PIGQ: variants seen among roughly 807,000 people sequenced by gnomAD.
The protein encoded by PIGQ is phosphatidylinositol glycan anchor biosynthesis class Q.
Under a neutral mutation model 60.3 loss-of-function variants are expected in PIGQ, and 54 were observed. The observed-to-expected ratio is 0.90, with a 90% CI of 0.72 to 1.12. The LOEUF is 1.12. Among genes scored for constraint, PIGQ ranks in the 50% most tolerant of loss-of-function variants. PIGQ has a pLI of 0.00. For missense variants in PIGQ, 799 were observed against 793.5 expected, an observed-to-expected ratio of 1.01 and a Z score of -0.08; for synonymous variants, 416 against 363.7, an observed-to-expected ratio of 1.14 and a Z score of -1.64.
At chr16:582,448 A>C (rs2035829423) in intron 10 of PIGQ, 139 bp downstream of exon 10, 1 of 645,792 alleles carries the variant, frequency 1.5e-6, no homozygotes, top group South Asian at 2.1e-5. Context: ...GCTGAGGGGG[A>C]AGGCCCACGC....
At position 583,616 on chromosome 16, in the gene PIGQ, T is replaced by C; in HGVS notation, c.*581T>C. ...ACGGGGTTTATTTGCGGATGTTCCC[T>C]GGAGAGGTCGCTTTGTGAAGAAACC... is the stretch of plus-strand genomic sequence containing the variant. On this transcript the variant is annotated 3_prime_UTR_variant, in exon 11 of 11. Coordinates refer to ENST00000321878, the MANE Select transcript of PIGQ (RefSeq NM_004204.5). 6.2e-7 allele frequency: 1 copy of C among 1,612,698 alleles called. No individual in the cohort carries two copies. Among genetic ancestry groups the C allele is most frequent in the Non-Finnish European group, 8.5e-7 (1 of 1,179,926 alleles).
chr16:576,775 C>T (rs990954293), intron 4 of PIGQ: 8 of 381,590 alleles, frequency 2.1e-5, no homozygotes, highest in Admixed American at 1.3e-4. Context: ...CGTTTCCAGC[C>T]GGGTGCAGCC....
chr16:581,181 G>A lies in PIGQ; in HGVS notation c.1531+209G>A, dbSNP rs1385948145. The A allele has an allele frequency of 2.1e-6, 3 of 1,444,004 alleles. No individual in the cohort carries two copies. In the African/African-American group the frequency reaches 4.3e-5, roughly 21 times the overall value. 89.4% of individuals were successfully genotyped at this position (1,444,004 alleles called of 1,614,324 possible). A position where few individuals can be genotyped will look rare whatever the true frequency, so the allele number is the denominator to read the frequency against. On this transcript the variant is annotated intron_variant, in intron 9 of 10. Coordinates refer to ENST00000321878, the MANE Select transcript of PIGQ (RefSeq NM_004204.5). ...CCAGGGAGGTGGAGAGAGACTCAGA[G>A]ACTCACCTGCCGCGCAGGTTCAGAA...
Position 584,020 on chromosome 16 carries a change from G to T in PIGQ, c.*985G>T. 2.8e-6 allele frequency: 1 copy of T among 356,966 alleles called. No individual in the cohort carries two copies. The highest frequency in any genetic ancestry group is 2.2e-5 in the South Asian group (1 of 44,652). The allele number at this position is 356,966 out of a possible 1,614,324, so 22.1% of individuals were successfully genotyped here. On this transcript the variant is annotated 3_prime_UTR_variant, in exon 11 of 11. Transcript: ENST00000321878. ...GTGGGAGGAGGCAGCGCCCATCTCA[G>T]CAGCACCAGGACTGCCTGGGACTCC...
chr16:581,469 T>G (rs79529183), intron 9 of PIGQ: 2 of 243,140 alleles, frequency 8.2e-6, no homozygotes, highest in African/African-American at 4.8e-5. Context: ...TGCAGGAGGC[T>G]TTTTTTTTTT....
intron 6 of PIGQ, 35 bp downstream of exon 6, chr16:578,973 G>A (rs774491402): frequency 5.1e-6 from 8 of 1,554,178 alleles, no homozygotes; most frequent in African/African-American, 1.5e-5. Context: ...ACCGCCCCCT[G>A]GGAGGTGCAG....
chr16:575,853 G>C lies in PIGQ; in HGVS notation c.704G>C (p.Trp235Ser). 3.8e-6 allele frequency: 6 copies of C among 1,567,388 alleles called. No homozygotes were observed. The highest frequency in any genetic ancestry group is 5.2e-6 in the Non-Finnish European group (6 of 1,155,384). ...AVSACRVFKL[W>S]PLSFLGSKLS... ...CTCCCACGCAGAGTGTTCAAGCTCTGGCCCCTGTCCTTCCTCGGGAGCAAA... is the reference window on the plus strand; with the variant it reads ...CTCCCACGCAGAGTGTTCAAGCTCTCGCCCCTGTCCTTCCTCGGGAGCAAA... The change falls in exon 3 of 11, where the codon TGG becomes TCG. Residue 235 changes from tryptophan (W) to serine (S), a missense_variant. Trp to Ser is a radical substitution (Grantham distance 177, BLOSUM62 -3). Coordinates refer to ENST00000321878, the MANE Select transcript of PIGQ (RefSeq NM_004204.5).
chr16:570,873 C>T (rs1022238910), intron 1 of PIGQ: 2 of 152,370 alleles, frequency 1.3e-5, no homozygotes, highest in African/African-American at 4.8e-5. Context: ...CCCGTCCTAA[C>T]TGGGCTGGGG....
rs746073489 is a variant in PIGQ at position 580,928 on chromosome 16, T to C, written c.1487T>C (p.Leu496Pro). The C allele has an allele frequency of 3.7e-6, 6 of 1,610,858 alleles. No homozygotes were observed. The Admixed American group carries it at 5.0e-5, about 13-fold the overall frequency. ...GTGGACCTCATCAACTCCCTGCCGC[T>C]GTACTCACTGGGTCTTCGGCTCTGC... Reference protein sequence around the residue: ...LLVDLINSLPLYSLGLRLCRP... With the variant: ...LLVDLINSLPPYSLGLRLCRP... The change falls in exon 9 of 11, where the codon CTG (leucine) becomes CCG (proline). Residue 496 changes from leucine (L) to proline (P), a missense_variant. Transcript: ENST00000321878.
Position 574,700 on chromosome 16 carries a change from CG to C in PIGQ, c.629del (p.Gly210AspfsTer50). ...CTCGCGGAGCTGGCCAGGCGAGCCT[CG>C]GGACCCATTTGCCTGCTGTTGGCCA... ...SILAELARRASGPICLLLASL... is the reference protein window; with the variant it reads ...SILAELARRAXGPICLLLASL... On this transcript the variant is annotated frameshift_variant, in exon 2 of 11. Coordinates refer to ENST00000321878, the MANE Select transcript of PIGQ (RefSeq NM_004204.5). LOFTEE classifies it high-confidence loss of function. The C allele has an allele frequency of 1.3e-6, 2 of 1,599,244 alleles. No homozygotes were observed. Among genetic ancestry groups the C allele is most frequent in the Non-Finnish European group, 1.7e-6 (2 of 1,176,458 alleles).
rs2035832719 is a variant in PIGQ at position 582,706 on chromosome 16, T to TC, written c.1594-174dup. 4 of 725,810 alleles carry TC rather than the reference T, an allele frequency of 5.5e-6. No individual in the cohort carries two copies. In the East Asian group the frequency reaches 1.0e-4, roughly 18 times the overall value. The allele number at this position is 725,810 out of a possible 1,614,324, so 45.0% of individuals were successfully genotyped here. On this transcript the variant is annotated intron_variant, in intron 10 of 10. Transcript: ENST00000321878. ...TGCAGCTTCTGCCTCCCCCCAGCGCTCCCTTCTGGCTGCAGGCTCACTTGC... is the reference window on the plus strand; with the variant it reads ...TGCAGCTTCTGCCTCCCCCCAGCGCTCCCCTTCTGGCTGCAGGCTCACTTGC...
chr16:579,101 C>G lies in PIGQ; in HGVS notation c.1256C>G (p.Ser419Ter), dbSNP rs750802445. Residue 419 changes from serine to a stop codon, truncating the protein, a stop_gained, in exon 7 of 11, where the codon TCA becomes TGA. Coordinates refer to ENST00000321878, the MANE Select transcript of PIGQ (RefSeq NM_004204.5). LOFTEE classifies it high-confidence loss of function. ...TGCCTGAAGATCCATGGCCTGTCCT[C>G]ACTGTGGCGTCTGTTCCGGGGGAAG... ...LYCLKIHGLS[S>*]LWRLFRGKKW... 3 of 1,612,780 alleles carry G rather than the reference C, an allele frequency of 1.9e-6. No homozygotes were observed. The highest frequency in any genetic ancestry group is 1.7e-6 in the Non-Finnish European group (2 of 1,179,782).
chr16:575,795 A>C, intron 2 of PIGQ, 44 bp from the exon 3 acceptor site: 1 of 1,538,532 alleles, frequency 6.5e-7, no homozygotes, highest in Non-Finnish European at 8.8e-7. Context: ...CGGTGGGAGG[A>C]GGATCTGGAG....
chr16:572,996 C>T (rs978920088), intron 1 of PIGQ, among the ~76,000 whole-genome samples: 9 of 152,230 alleles, frequency 5.9e-5, no homozygotes, highest in African/African-American at 1.2e-4. Context: ...GGAAGGCGAG[C>T]GGCCCAGCCA....
chr16:581,440 G>A, intron 9 of PIGQ: 2 of 898,902 alleles, frequency 2.2e-6, no homozygotes, highest in East Asian at 1.1e-4. Flanking sequence ...CCGGACACCT[G>A]GCTTCTTTCA....
Position 580,118 on chromosome 16 carries a change from C to G in PIGQ, c.1336-65C>G, listed in dbSNP as rs1228500562. Reference sequence around the variant, plus strand: ...TGCAGCTCCGGGATGGGGGAGGGCACAGTGCTGGGCCGTCCCTGGGCGCGG... The same window carrying G: ...TGCAGCTCCGGGATGGGGGAGGGCAGAGTGCTGGGCCGTCCCTGGGCGCGG... On this transcript the variant is annotated intron_variant, in intron 7 of 10. Coordinates refer to ENST00000321878, the MANE Select transcript of PIGQ (RefSeq NM_004204.5). The G allele has an allele frequency of 4.0e-6, 5 of 1,257,150 alleles. No homozygotes were observed. In the East Asian group the frequency reaches 9.8e-5, roughly 25 times the overall value. 77.9% of individuals were successfully genotyped at this position (1,257,150 alleles called of 1,614,324 possible).
At chr16:581,760 CTTTTT>C in intron 9 of PIGQ, 3 of 82,672 alleles carry the variant, frequency 3.6e-5, no homozygotes, top group Admixed American at 1.5e-4. Context: ...CCGTGCCCGG[CTTTTT>C]TTTTTTTTTT....
intron 10 of PIGQ, 144 bp from the exon 11 acceptor site, chr16:582,739 G>C (rs2035833215): frequency 1.1e-6 from 1 of 910,960 alleles, no homozygotes; most frequent in African/African-American, 1.7e-5. Context: ...TGCCTCCTTG[G>C]GAACTGGGAC....
rs750403092 is a variant in PIGQ at position 580,292 on chromosome 16, G to C, written c.1416+29G>C. On this transcript the variant is annotated intron_variant, in intron 8 of 10. Coordinates refer to ENST00000321878, the MANE Select transcript of PIGQ (RefSeq NM_004204.5). ...AGCTGAGCACCCACAGGCTGGGCCTGGCTGCAGTGCTCTGTGTGGCTTCTG... is the reference window on the plus strand; with the variant it reads ...AGCTGAGCACCCACAGGCTGGGCCTCGCTGCAGTGCTCTGTGTGGCTTCTG... 1.9e-6 allele frequency: 3 copies of C among 1,542,050 alleles called. No individual in the cohort carries two copies. The South Asian group carries it at 3.4e-5, about 18-fold the overall frequency.
Sources: gnomAD v4.1 joint callset for allele counts (sites outside exome capture counted in the v4.1 genomes callset) on GRCh38, gnomAD v4.1.1 for gene constraint, MANE v1.5 for transcripts, NCBI Gene and HGNC (gene_info 2026-07-23, HGNC 2026-07-21) for gene names.